Variants in SPECC1 observed in about 807,000 individuals in gnomAD.
SPECC1 encodes the protein sperm antigen with calponin homology and coiled-coil domains 1.
In SPECC1, 62 loss-of-function variants were observed where a neutral mutation model predicts 104.1. That is an observed-to-expected ratio of 0.60 (90% confidence interval 0.49 to 0.74). SPECC1 has a LOEUF of 0.74. SPECC1 is among the 30% of genes least tolerant of loss of function. The pLI, the probability that SPECC1 is intolerant of heterozygous loss-of-function variation, is 0.00. For missense variants in SPECC1, 1,306 were observed against 1,310.5 expected (o/e 1.00, Z 0.05); for synonymous variants, 513 against 501.6 (o/e 1.02, Z -0.30).
At chr17:20,208,642 A>G (rs553372874) in intron 4 of SPECC1, among the ~76,000 whole-genome samples, 33 of 152,326 alleles carry the variant, frequency 2.2e-4, no homozygotes, top group Middle Eastern at 3.4e-3. Context: ...GCCCCTTTAC[A>G]TTGTGCAATG....
At chr17:20,106,960 C>A (rs1241837029) in intron 2 of SPECC1, among the ~76,000 whole-genome samples, 1 of 151,332 alleles carries the variant, frequency 6.6e-6, no homozygotes, top group Non-Finnish European at 1.5e-5. Context: ...AGTTTGAGAC[C>A]AGCCTGGGCA....
intron 3 of SPECC1, among the ~76,000 whole-genome samples, chr17:20,192,214 C>T (rs144483397): frequency 7.2e-5 from 11 of 152,198 alleles, no homozygotes; most frequent in Admixed American, 1.3e-4. Flanking sequence ...GTGATCCTCC[C>T]GCCCTGGCCT....
chr17:20,050,911 A>G (rs1183840056), intron 1 of SPECC1, among the ~76,000 whole-genome samples: 1 of 152,224 alleles, frequency 6.6e-6, no homozygotes, highest in Non-Finnish European at 1.5e-5. Flanking sequence ...GCTGGTAAAG[A>G]GGAACTTCTT....
intron 1 of SPECC1, among the ~76,000 whole-genome samples, chr17:20,072,415 C>A (rs1001402395): frequency 1.3e-5 from 2 of 152,236 alleles, no homozygotes; most frequent in African/African-American, 4.8e-5. Context: ...CATGGTGCCA[C>A]ATGGGGAGTC....
intron 12 of SPECC1, among the ~76,000 whole-genome samples, chr17:20,275,138 G>A (rs1416706580): frequency 6.6e-6 from 1 of 152,036 alleles, no homozygotes; most frequent in Non-Finnish European, 1.5e-5. Flanking sequence ...ACCCATTTAT[G>A]TAATTAATAA....
chr17:20,066,951 A>C (rs900948103), intron 1 of SPECC1, among the ~76,000 whole-genome samples: 2 of 87,858 alleles, frequency 2.3e-5, no homozygotes, highest in African/African-American at 8.4e-5. Flanking sequence ...AAGGGCTTTT[A>C]TGTTGCCCAG....
At chr17:20,152,651 CTTT>C (rs1326011221) in intron 3 of SPECC1, among the ~76,000 whole-genome samples, 1 of 152,086 alleles carries the variant, frequency 6.6e-6, no homozygotes, top group Admixed American at 6.6e-5. Flanking sequence ...TCTTCCTCTT[CTTT>C]TTTTATTTTT....
At chr17:20,139,711 G>A (rs1250197975) in intron 3 of SPECC1, among the ~76,000 whole-genome samples, 1 of 151,966 alleles carries the variant, frequency 6.6e-6, no homozygotes, top group Non-Finnish European at 1.5e-5. Context: ...TCTCGCTCTT[G>A]TCTCCCAGGC....
rs139515840 is a variant in SPECC1 at position 20,116,564 on chromosome 17, G to T, written c.283+6002G>T. Among the ~76,000 whole-genome samples the T allele has an allele frequency of 3.0e-4, 45 of 152,204 alleles. No individual in the cohort carries two copies. In the East Asian group the frequency reaches 7.9e-3, roughly 27 times the overall value. On this transcript the variant is annotated intron_variant, in intron 3 of 14. Transcript: ENST00000395527. ...TCAAAGAAGACATAAATAAGTGAAAGCATATATGTGATTCTTAGGAAGATT... is the reference window on the plus strand; with the variant it reads ...TCAAAGAAGACATAAATAAGTGAAATCATATATGTGATTCTTAGGAAGATT...
intron 1 of SPECC1, among the ~76,000 whole-genome samples, chr17:20,080,309 T>C (rs190753829): frequency 3.3e-5 from 5 of 152,114 alleles, no homozygotes; most frequent in Admixed American, 3.3e-4. Context: ...CTCTTGTCAG[T>C]GAACTCAGGG....
At chr17:20,258,047 G>A (rs1277891104) in intron 11 of SPECC1, among the ~76,000 whole-genome samples, 1 of 152,174 alleles carries the variant, frequency 6.6e-6, no homozygotes, top group East Asian at 1.9e-4. Flanking sequence ...TGGGTGGATG[G>A]ATAAGTGACT....
intron 12 of SPECC1, among the ~76,000 whole-genome samples, chr17:20,284,534 C>T (rs576612781): frequency 6.6e-6 from 1 of 152,362 alleles, no homozygotes; most frequent in Non-Finnish European, 1.5e-5. Context: ...ACACTGAATG[C>T]ACGGCAGGGA....
chr17:20,012,002 A>G (rs2043960707), intron 1 of SPECC1, among the ~76,000 whole-genome samples: 2 of 152,152 alleles, frequency 1.3e-5, no homozygotes, highest in Non-Finnish European at 2.9e-5. Context: ...CTGTTTTTGT[A>G]ATATCTGAAA....
chr17:20,266,303 G>T (rs1450495600), intron 12 of SPECC1, among the ~76,000 whole-genome samples: 1 of 152,172 alleles, frequency 6.6e-6, no homozygotes, highest in Non-Finnish European at 1.5e-5. Flanking sequence ...GGTGCTGGGG[G>T]CCGGGCGCGG....
At chr17:20,228,333 G>A (rs776949657) in intron 5 of SPECC1, among the ~76,000 whole-genome samples, 1 of 152,180 alleles carries the variant, frequency 6.6e-6, no homozygotes, top group Non-Finnish European at 1.5e-5. Flanking sequence ...GATTACAGGT[G>A]TGAGCCACCG....
Position 20,110,487 on chromosome 17 carries a change from G to C in SPECC1, c.208G>C (p.Val70Leu). Reference sequence around the variant, plus strand: ...GCCAGGAAGTACCGCTGCATCGGGGGTGGTTCGCCTGAAGAAGACCGCCAC... The same window carrying C: ...GCCAGGAAGTACCGCTGCATCGGGGCTGGTTCGCCTGAAGAAGACCGCCAC... Reference protein sequence around the residue: ...NKPGSTAASGVVRLKKTATAG... With the variant: ...NKPGSTAASGLVRLKKTATAG... The change falls in exon 3 of 15, where the codon GTG becomes CTG. Residue 70 changes from valine to leucine, a missense_variant. This residue lies in a region of SPECC1 where 1,177 missense variants were observed against 1,139.9 expected (regional missense o/e 1.03). Transcript: ENST00000395527. The C allele has an allele frequency of 6.2e-7, 1 of 1,614,032 alleles. No individual in the cohort carries two copies. The highest frequency in any genetic ancestry group is 8.5e-7 in the Non-Finnish European group (1 of 1,180,000).
chr17:20,283,905 C>T (rs941856949), intron 12 of SPECC1, among the ~76,000 whole-genome samples: 3 of 152,080 alleles, frequency 2.0e-5, no homozygotes, highest in Admixed American at 2.0e-4. Context: ...TTATTGATTA[C>T]AGGAATATAT....
intron 14 of SPECC1, 66 bp from the exon 15 acceptor site, chr17:20,313,910 T>A: frequency 6.8e-7 from 1 of 1,479,128 alleles, no homozygotes; most frequent in Non-Finnish European, 9.3e-7. Flanking sequence ...TGGACTGAAG[T>A]CCTTGAGGGG....
intron 1 of SPECC1, among the ~76,000 whole-genome samples, chr17:20,013,925 T>C (rs1213999724): frequency 6.6e-6 from 1 of 152,218 alleles, no homozygotes; most frequent in Non-Finnish European, 1.5e-5. Context: ...AGTAAGTACA[T>C]GAACACTCTA....
Sources: allele counts gnomAD v4.1 joint callset (sites outside exome capture counted in the v4.1 genomes callset), GRCh38; gene constraint gnomAD v4.1.1; regional missense constraint gnomAD v4.1.1; transcripts MANE v1.5; gene names NCBI Gene and HGNC (gene_info 2026-07-23, HGNC 2026-07-21).